The following PRMT8 variants were observed in gnomAD, a reference collection of about 807,000 sequenced individuals.
PRMT8 encodes protein arginine N-methyltransferase 8.
Under a neutral mutation model 47.1 loss-of-function variants are expected in PRMT8, and 7 were observed. The observed-to-expected ratio is 0.15, with a 90% confidence interval of 0.08 to 0.28. The LOEUF (loss-of-function observed/expected upper bound fraction) is 0.28. PRMT8 is among the 10% of genes least tolerant of loss of function. PRMT8 has a pLI of 1.00. For synonymous variants in PRMT8, 188 were observed against 186.5 expected (o/e 1.01, Z -0.07); for missense variants, 237 against 505.4 (o/e 0.47, Z 5.09).
Position 3,448,761 on chromosome 12 carries a change from T to A in PRMT8, c.48+67319T>A, listed in dbSNP as rs2137078602. On this transcript the variant is annotated intron_variant, in intron 1 of 9. Transcript: ENST00000452611. ...TTTTATTTTATTTTAAGTTCCAGGA[T>A]ACATGTGTAGGACATGCAGGTTTGT... Among the ~76,000 whole-genome samples the A allele has an allele frequency of 1.3e-5, 2 of 152,328 alleles. 1 individual carries two copies. Among genetic ancestry groups the A allele is most frequent in the South Asian group, 4.1e-4 (2 of 4,824 alleles).
chr12:3,473,802 C>G (rs559304578), intron 1 of PRMT8, among the ~76,000 whole-genome samples: 2 of 152,310 alleles, frequency 1.3e-5, no homozygotes, highest in African/African-American at 4.8e-5. Flanking sequence ...GAGCCCCAGC[C>G]CCGCCTTAGT....
At chr12:3,439,178 A>G (rs978238755) in intron 1 of PRMT8, among the ~76,000 whole-genome samples, 5 of 152,260 alleles carry the variant, frequency 3.3e-5, no homozygotes, top group African/African-American at 4.8e-5. Context: ...TAATAAAAGC[A>G]GTAAAAATAA....
chr12:3,487,598 C>G (rs1425798166), upstream of PRMT8, among the ~76,000 whole-genome samples: 1 of 152,194 alleles, frequency 6.6e-6, no homozygotes, highest in Admixed American at 6.5e-5. Flanking sequence ...AACAATTAAT[C>G]TAACTGAGCC....
At chr12:3,420,156 C>T (rs1864526386) in intron 1 of PRMT8, among the ~76,000 whole-genome samples, 1 of 152,054 alleles carries the variant, frequency 6.6e-6, no homozygotes, top group Non-Finnish European at 1.5e-5. Flanking sequence ...TGGCACGAGC[C>T]TCAGAGGTGG....
chr12:3,591,257 G>A (rs1200171356), intron 8 of PRMT8, among the ~76,000 whole-genome samples: 1 of 152,120 alleles, frequency 6.6e-6, no homozygotes, highest in African/African-American at 2.4e-5. Context: ...GGATGAATGA[G>A]CTGTGGGCCA....
chr12:3,538,374 C>A lies in PRMT8; in HGVS notation c.76-2232C>A. 3.3e-6 allele frequency: 1 copy of A among 302,102 alleles called. No homozygotes were observed. The highest frequency in any genetic ancestry group is 6.6e-6 in the Non-Finnish European group (1 of 151,618). The allele number at this position is 302,102 out of a possible 1,614,324, so 18.7% of individuals were successfully genotyped here. ...ACGTCTATTTCTTCCACAGGACCTG[C>A]ACGCTGCCTTGCTGTTGGAGATCTG... is the stretch of plus-strand genomic sequence containing the variant. On this transcript the variant is annotated intron_variant, in intron 1 of 9. Transcript: ENST00000382622. This position sits in a 1 kb window ranked among gnomAD's most constrained non-coding sequence, Gnocchi z 4.6.
At chr12:3,401,534 A>G (rs764530684) in intron 1 of PRMT8, among the ~76,000 whole-genome samples, 131 of 152,030 alleles carry the variant, frequency 8.6e-4, no homozygotes, top group Non-Finnish European at 1.6e-3. Flanking sequence ...TTATCTCTAT[A>G]TTTCTTTGAT....
At chr12:3,591,809 AG>A (rs1488138981) in intron 8 of PRMT8, among the ~76,000 whole-genome samples, 1 of 152,150 alleles carries the variant, frequency 6.6e-6, no homozygotes, top group Non-Finnish European at 1.5e-5. Context: ...GGGAGATAGG[AG>A]GGCCTACTCT....
intron 1 of PRMT8, among the ~76,000 whole-genome samples, chr12:3,407,023 A>G (rs1488475351): frequency 6.6e-6 from 1 of 152,180 alleles, no homozygotes; most frequent in Non-Finnish European, 1.5e-5. Context: ...GGTTTAATTA[A>G]CTCACAGTTC....
intron 1 of PRMT8, among the ~76,000 whole-genome samples, chr12:3,485,580 C>G (rs1865315240): frequency 6.6e-6 from 1 of 152,114 alleles, no homozygotes; most frequent in Admixed American, 6.5e-5. Context: ...TATGGTTTAT[C>G]CATACAGTGA....
chr12:3,569,771 T>C lies in PRMT8; in HGVS notation c.712+207T>C, dbSNP rs1448911505. ...AGGTCTACAGACAGAAAATAAGCCA[T>C]ATGGCTGGGATGAGAGAAATGTCCT... On this transcript the variant is annotated intron_variant, in intron 6 of 9. Coordinates refer to ENST00000382622, the MANE Select transcript of PRMT8 (RefSeq NM_019854.5). This position sits in a 1 kb window ranked among gnomAD's most constrained non-coding sequence, Gnocchi z 8.2. Among the ~76,000 whole-genome samples, 2 of 152,160 alleles carry C rather than the reference T, an allele frequency of 1.3e-5. No individual in the cohort carries two copies. The highest frequency in any genetic ancestry group is 2.4e-5 in the African/African-American group (1 of 41,436).
At chr12:3,507,300 T>G (rs1313410234) in intron 1 of PRMT8, among the ~76,000 whole-genome samples, 2 of 151,914 alleles carry the variant, frequency 1.3e-5, no homozygotes, top group Non-Finnish European at 2.9e-5. Flanking sequence ...TTTTTGTATT[T>G]TTAGTAGAGA....
chr12:3,565,221 C>T (rs1866699453), intron 4 of PRMT8, among the ~76,000 whole-genome samples: 1 of 152,008 alleles, frequency 6.6e-6, no homozygotes, highest in African/African-American at 2.4e-5. Flanking sequence ...AGAACCGCAG[C>T]TTTCTGGCAC....
intron 1 of PRMT8, among the ~76,000 whole-genome samples, chr12:3,422,721 A>G (rs974546484): frequency 6.6e-6 from 1 of 152,236 alleles, no homozygotes; most frequent in Non-Finnish European, 1.5e-5. Flanking sequence ...TTTAACTCCC[A>G]GGCCCAGGGC....
chr12:3,540,902 C>G, intron 2 of PRMT8, 111 bp downstream of exon 2: 1 of 1,277,282 alleles, frequency 7.8e-7, no homozygotes. Flanking sequence ...GGGAGTGCTC[C>G]CAGTGTTCCT....
chr12:3,558,961 C>CCTATCTATCTATCTATCTATCTATCTAT (rs61644721), intron 4 of PRMT8, among the ~76,000 whole-genome samples: 4 of 150,108 alleles, frequency 2.7e-5, no homozygotes, highest in Admixed American at 6.6e-5. Flanking sequence ...TATCTATCTA[C>CCTATCTATCTATCTATCTATCTATCTAT]CTATCTATCT....
At chr12:3,571,150 T>A (rs1024869760) in intron 6 of PRMT8, among the ~76,000 whole-genome samples, 30 of 152,236 alleles carry the variant, frequency 2.0e-4, no homozygotes, top group Admixed American at 1.4e-3. Context: ...TTTCTGACTG[T>A]GTAGCTAAGC....
chr12:3,493,845 G>A lies in PRMT8; in HGVS notation c.75+2145G>A, dbSNP rs1311820652. On this transcript the variant is annotated intron_variant, in intron 1 of 9. Coordinates refer to ENST00000382622, the MANE Select transcript of PRMT8 (RefSeq NM_019854.5). The surrounding 1 kb of genome is among the most constrained non-coding windows in gnomAD (Gnocchi z 8.2). ...GTGCGGGGCACCAAGGCGGTGCGGG[G>A]AGGGACAGACCCAGCTGGGGCTCCT... is the stretch of plus-strand genomic sequence containing the variant. 6.6e-6 allele frequency among the ~76,000 whole-genome samples: 1 copy of A among 152,232 alleles called. No individual in the cohort carries two copies. The highest frequency in any genetic ancestry group is 2.4e-5 in the African/African-American group (1 of 41,470).
At chr12:3,582,970 C>A in intron 7 of PRMT8, 88 bp from the exon 8 acceptor site, 1 of 1,446,554 alleles carries the variant, frequency 6.9e-7, no homozygotes, top group Non-Finnish European at 9.4e-7. Context: ...TGACAGACCA[C>A]AGTCTCTCAC....
Sources: gnomAD v4.1 joint callset for allele counts (sites outside exome capture counted in the v4.1 genomes callset) on GRCh38, gnomAD v4.1.1 for gene constraint, Gnocchi (gnomAD v3.1) non-coding constraint, MANE v1.5 for transcripts, NCBI Gene and HGNC (gene_info 2026-07-23, HGNC 2026-07-21) for gene names.